The following MAGI2 variants were observed in gnomAD, a reference collection of about 807,000 sequenced individuals.
The protein encoded by MAGI2 is membrane associated guanylate kinase, WW and PDZ domain containing 2.
MAGI2 carries 35 observed loss-of-function variants against 133.3 expected under a neutral mutation model. The ratio of observed to expected loss-of-function variants is 0.26; its 90% confidence interval spans 0.20 to 0.35. The LOEUF is 0.35. Among genes scored for constraint, MAGI2 ranks in the 10% least tolerant of loss-of-function variants. The pLI, the probability that MAGI2 is intolerant of heterozygous loss-of-function variation, is 1.00. For missense variants in MAGI2, 1,636 were observed against 1,863.4 expected (o/e 0.88, Z 2.25); for synonymous variants, 729 against 710.6 (o/e 1.03, Z -0.41).
At chr7:79,092,583 T>G (rs1413520049) in intron 1 of MAGI2, among the ~76,000 whole-genome samples, 2 of 152,176 alleles carry the variant, frequency 1.3e-5, no homozygotes, top group Non-Finnish European at 2.9e-5. Flanking sequence ...GCTATTAACT[T>G]CCATATACAA....
At chr7:78,235,911 A>G (rs1790486572) in intron 10 of MAGI2, among the ~76,000 whole-genome samples, 1 of 152,114 alleles carries the variant, frequency 6.6e-6, no homozygotes, top group South Asian at 2.1e-4. Context: ...TGGTGGCCAG[A>G]AAAGTGACAT....
At chr7:78,408,703 T>A (rs1797607782) in intron 6 of MAGI2, among the ~76,000 whole-genome samples, 1 of 151,944 alleles carries the variant, frequency 6.6e-6, no homozygotes, top group African/African-American at 2.4e-5. Flanking sequence ...AAGTAGAAAA[T>A]ACACATCAAA....
chr7:78,628,459 T>A (rs1808608930), intron 2 of MAGI2, among the ~76,000 whole-genome samples: 3 of 152,068 alleles, frequency 2.0e-5, no homozygotes, highest in African/African-American at 7.2e-5. Context: ...GCCAGTCGGT[T>A]CTCCTTTTGG....
intron 16 of MAGI2, among the ~76,000 whole-genome samples, chr7:78,147,982 G>A (rs1221489186): frequency 6.6e-6 from 1 of 151,930 alleles, no homozygotes; most frequent in East Asian, 1.9e-4. Flanking sequence ...AATATAAAAT[G>A]GTACAGCCAC....
intron 1 of MAGI2, among the ~76,000 whole-genome samples, chr7:79,363,657 G>A: frequency 6.7e-6 from 1 of 148,360 alleles, no homozygotes; most frequent in Non-Finnish European, 1.5e-5. Context: ...ATGATATTCT[G>A]AACATGACTC....
chr7:78,917,147 A>G (rs1584384198), intron 2 of MAGI2, among the ~76,000 whole-genome samples: 1 of 152,090 alleles, frequency 6.6e-6, no homozygotes, highest in African/African-American at 2.4e-5. Context: ...AACTAATACT[A>G]CTTGGTGGCT....
intron 16 of MAGI2, among the ~76,000 whole-genome samples, chr7:78,152,995 G>C (rs536263263): frequency 1.3e-5 from 2 of 152,216 alleles, no homozygotes; most frequent in Non-Finnish European, 2.9e-5. Flanking sequence ...GAGAAATAGA[G>C]AAATGAATGA....
chr7:78,077,403 A>AATAT (rs3084740), intron 21 of MAGI2, among the ~76,000 whole-genome samples: 71 of 148,680 alleles, frequency 4.8e-4, no homozygotes, highest in South Asian at 1.3e-3. Flanking sequence ...GCTTATTGAT[A>AATAT]ATATATATAT....
At chr7:78,459,159 C>T (rs1303344324) in intron 6 of MAGI2, among the ~76,000 whole-genome samples, 1 of 152,120 alleles carries the variant, frequency 6.6e-6, no homozygotes, top group Non-Finnish European at 1.5e-5. Flanking sequence ...CCATGTTTAA[C>T]AAATGTATAC....
intron 5 of MAGI2, among the ~76,000 whole-genome samples, chr7:78,496,906 T>C (rs1794134857): frequency 6.6e-6 from 1 of 152,176 alleles, no homozygotes. Flanking sequence ...CCAATAAACC[T>C]CTGTTGAATA....
In MAGI2 at chr7:78,919,252, A is replaced by G. The variant is rs528033064; in HGVS notation, c.418+87838T>C. ...AATCTAACAGTGAGGTACTCATTCTATAAAGCAGTAGCAAGTCTTTAAGCA... is the reference window on the plus strand; with the variant it reads ...AATCTAACAGTGAGGTACTCATTCTGTAAAGCAGTAGCAAGTCTTTAAGCA... On this transcript the variant is annotated intron_variant, in intron 2 of 21. Coordinates refer to ENST00000354212, the MANE Select transcript of MAGI2 (RefSeq NM_012301.4). Among the ~76,000 whole-genome samples, 6 of 152,236 alleles carry G rather than the reference A, an allele frequency of 3.9e-5. No individual in the cohort carries two copies. In the East Asian group the frequency reaches 1.2e-3, roughly 29 times the overall value.
At chr7:79,370,762 A>G (rs1842999832) in intron 1 of MAGI2, among the ~76,000 whole-genome samples, 1 of 152,098 alleles carries the variant, frequency 6.6e-6, no homozygotes, top group Admixed American at 6.6e-5. Flanking sequence ...TTAACAGAAT[A>G]ACCCAATCTT....
At chr7:78,449,477 G>A (rs972101154) in intron 6 of MAGI2, among the ~76,000 whole-genome samples, 5 of 151,972 alleles carry the variant, frequency 3.3e-5, no homozygotes, top group African/African-American at 7.2e-5. Flanking sequence ...ATATAAATAC[G>A]ATGGAAATAA....
chr7:78,468,685 A>C (rs935497755), intron 6 of MAGI2, among the ~76,000 whole-genome samples: 4 of 152,144 alleles, frequency 2.6e-5, no homozygotes, highest in Admixed American at 2.0e-4. Context: ...AATCATGTCC[A>C]TGGAAATATA....
intron 3 of MAGI2, among the ~76,000 whole-genome samples, chr7:78,577,504 C>T (rs983565180): frequency 6.6e-6 from 1 of 152,110 alleles, no homozygotes; most frequent in Non-Finnish European, 1.5e-5. Context: ...GAAGAGACCA[C>T]CAAACAGGCT....
intron 1 of MAGI2, among the ~76,000 whole-genome samples, chr7:79,111,869 G>A (rs899704091): frequency 6.6e-6 from 1 of 151,868 alleles, no homozygotes; most frequent in Non-Finnish European, 1.5e-5. Context: ...GGGTTTCATC[G>A]TGTTAGCCAG....
intron 1 of MAGI2, among the ~76,000 whole-genome samples, chr7:79,175,195 A>G (rs1825984797): frequency 6.6e-6 from 1 of 151,958 alleles, no homozygotes; most frequent in Non-Finnish European, 1.5e-5. Context: ...AAAATTTTAT[A>G]TATGTCCAAA....
chr7:79,078,826 T>A (rs1039640193), intron 1 of MAGI2, among the ~76,000 whole-genome samples: 1 of 152,162 alleles, frequency 6.6e-6, no homozygotes, highest in Non-Finnish European at 1.5e-5. Flanking sequence ...TATGTGTGAG[T>A]TTGCGTGCAT....
intron 6 of MAGI2, among the ~76,000 whole-genome samples, chr7:78,406,745 C>T (rs1797414165): frequency 1.3e-5 from 2 of 152,042 alleles, no homozygotes; most frequent in African/African-American, 4.8e-5. Flanking sequence ...ACATGCCAAA[C>T]ACTTTACACA....
Sources: allele counts gnomAD v4.1 joint callset (sites outside exome capture counted in the v4.1 genomes callset), GRCh38; gene constraint gnomAD v4.1.1; transcripts MANE v1.5; gene names NCBI Gene and HGNC (gene_info 2026-07-23, HGNC 2026-07-21).